Variants in ARHGEF17 observed in about 807,000 individuals in gnomAD.
The protein encoded by ARHGEF17 is Rho guanine nucleotide exchange factor 17.
In ARHGEF17, 80 loss-of-function variants were observed where a neutral mutation model predicts 174.0. That is an observed-to-expected ratio of 0.46 (90% CI 0.38 to 0.55). The LOEUF (loss-of-function observed/expected upper bound fraction) is 0.55, where lower values mean the gene tolerates loss of function less well. ARHGEF17 is among the 20% of genes least tolerant of loss of function. The pLI is 0.00. For missense variants in ARHGEF17, 2,886 were observed against 2,839.7 expected, an observed-to-expected ratio of 1.02 and a Z score of -0.37; for synonymous variants, 1,311 against 1,189.1, an observed-to-expected ratio of 1.10 and a Z score of -2.11.
Position 73,367,650 on chromosome 11 carries a change from G to A in ARHGEF17, c.6062G>A (p.Arg2021Lys). 1 of 1,614,058 alleles carries A rather than the reference G, an allele frequency of 6.2e-7. No homozygotes were observed. The highest frequency in any genetic ancestry group is 1.1e-5 in the South Asian group (1 of 91,084). Reference sequence around the variant, plus strand: ...TGGCACCGAGGCCCCGCCCCTGCCAGGCCTAAAATGCTGGTTATCAGTGGA... The same window carrying A: ...TGGCACCGAGGCCCCGCCCCTGCCAAGCCTAAAATGCTGGTTATCAGTGGA... ...SPWHRGPAPA[R>K]PKMLVISGGD... The change falls in exon 21 of 21, where the codon AGG becomes AAG. Residue 2021 changes from arginine to lysine, a missense_variant. Arg to Lys is a conservative substitution (Grantham distance 26, BLOSUM62 2). This residue lies in a region of ARHGEF17 where 329 missense variants were observed against 435.2 expected (regional missense o/e 0.76). Coordinates refer to ENST00000263674, the MANE Select transcript of ARHGEF17 (RefSeq NM_014786.4).
chr11:73,319,793 A>G (rs973516046), intron 1 of ARHGEF17, among the ~76,000 whole-genome samples: 2 of 152,216 alleles, frequency 1.3e-5, no homozygotes, highest in Non-Finnish European at 2.9e-5. Flanking sequence ...CAAGGATCCT[A>G]GCCTCCTGAG....
intron 3 of ARHGEF17, among the ~76,000 whole-genome samples, chr11:73,354,533 G>A (rs1019046216): frequency 6.6e-6 from 1 of 152,136 alleles, no homozygotes; most frequent in Non-Finnish European, 1.5e-5. Context: ...GACCAACATG[G>A]TGAAACCTCG....
chr11:73,326,956 A>T (rs2135793430), intron 1 of ARHGEF17, among the ~76,000 whole-genome samples: 1 of 152,308 alleles, frequency 6.6e-6, no homozygotes, highest in South Asian at 2.1e-4. Flanking sequence ...GAGGCGTTAG[A>T]GTGAGACAAG....
At chr11:73,357,883 C>G (rs1023286006) in intron 9 of ARHGEF17, among the ~76,000 whole-genome samples, 1 of 152,220 alleles carries the variant, frequency 6.6e-6, no homozygotes, top group Non-Finnish European at 1.5e-5. Context: ...CCTCATAACT[C>G]CCGTGATCAG....
At chr11:73,344,112 C>T (rs528001271) in intron 1 of ARHGEF17, among the ~76,000 whole-genome samples, 50 of 152,210 alleles carry the variant, frequency 3.3e-4, no homozygotes, top group African/African-American at 1.1e-3. Context: ...CCCGGTGTAG[C>T]GAAGGTCTGG....
At chr11:73,357,665 T>C (rs1865668133) in intron 9 of ARHGEF17, among the ~76,000 whole-genome samples, 2 of 152,250 alleles carry the variant, frequency 1.3e-5, no homozygotes, top group Non-Finnish European at 2.9e-5. Flanking sequence ...GATGTTGCAC[T>C]GTCTGGTTCA....
intron 1 of ARHGEF17, among the ~76,000 whole-genome samples, chr11:73,339,702 C>T (rs1865340605): frequency 6.6e-6 from 1 of 152,158 alleles, no homozygotes; most frequent in African/African-American, 2.4e-5. Context: ...TAGGTGCTCC[C>T]CAGGGCTGGT....
chr11:73,322,980 A>G (rs1397481584), intron 1 of ARHGEF17, among the ~76,000 whole-genome samples: 1 of 152,148 alleles, frequency 6.6e-6, no homozygotes, highest in Non-Finnish European at 1.5e-5. Flanking sequence ...CAGGGGTTAT[A>G]TCAGAAACAG....
chr11:73,349,557 A>G (rs910513916), intron 2 of ARHGEF17, among the ~76,000 whole-genome samples: 2 of 152,166 alleles, frequency 1.3e-5, no homozygotes, highest in Non-Finnish European at 2.9e-5. Flanking sequence ...CAGAGGTTGC[A>G]GCGAGCCGAG....
At chr11:73,341,351 T>TGCGACCTCAGCTCACC (rs1326430180) in intron 1 of ARHGEF17, among the ~76,000 whole-genome samples, 11 of 152,144 alleles carry the variant, frequency 7.2e-5, no homozygotes, top group Non-Finnish European at 1.3e-4. Context: ...AGTGCAATGG[T>TGCGACCTCAGCTCACC]GCGACCTCAG....
chr11:73,341,532 G>C (rs553611303), intron 1 of ARHGEF17, among the ~76,000 whole-genome samples: 112 of 151,806 alleles, frequency 7.4e-4, no homozygotes, highest in African/African-American at 2.6e-3. Context: ...GGCTGGTCTC[G>C]AACTCCCAAC....
intron 2 of ARHGEF17, among the ~76,000 whole-genome samples, chr11:73,351,630 G>A (rs1865555642): frequency 6.6e-6 from 1 of 152,074 alleles, no homozygotes. Context: ...TCCTCAGGCT[G>A]GAGTGCAGTG....
In ARHGEF17 at chr11:73,311,162, T is replaced by C; in HGVS notation, c.2524T>C (p.Phe842Leu). The change falls in exon 1 of 21, where the codon TTC (phenylalanine) becomes CTC (leucine). Residue 842 changes from phenylalanine (F) to leucine (L), a missense_variant. Phe to Leu is a conservative substitution (Grantham distance 22, BLOSUM62 0). Around this residue, in one of 4 missense-constraint regions of ARHGEF17, gnomAD observed 1,728 missense variants for 1,461.2 expected, o/e 1.18. Transcript: ENST00000263674. ...CCGTGGGGAGCTGGCTGGGCCTGGA[T>C]TCGAGGGCCCTGGAGGGGAGCCCAT... ...SRRGELAGPG[F>L]EGPGGEPIRE... 4 of 1,596,274 alleles carry C rather than the reference T, an allele frequency of 2.5e-6. No individual in the cohort carries two copies. The highest frequency in any genetic ancestry group is 3.4e-6 in the Non-Finnish European group (4 of 1,168,498).
intron 1 of ARHGEF17, among the ~76,000 whole-genome samples, chr11:73,320,996 G>T (rs1033335813): frequency 3.3e-5 from 5 of 152,332 alleles, no homozygotes; most frequent in Middle Eastern, 6.8e-3. Flanking sequence ...TGCCAAGAGG[G>T]CTTGGCACAC....
chr11:73,341,130 C>T (rs1865361622), intron 1 of ARHGEF17, among the ~76,000 whole-genome samples: 1 of 152,124 alleles, frequency 6.6e-6, no homozygotes. Flanking sequence ...TGGGAGGAGA[C>T]GGGCCTCAAT....
chr11:73,349,277 T>A (rs1371769709), intron 2 of ARHGEF17, among the ~76,000 whole-genome samples: 1 of 152,134 alleles, frequency 6.6e-6, no homozygotes, highest in Non-Finnish European at 1.5e-5. Context: ...GAGCCTCAAG[T>A]TTGCCTGCAA....
intron 1 of ARHGEF17, among the ~76,000 whole-genome samples, chr11:73,324,580 C>T (rs1407874170): frequency 1.3e-5 from 2 of 152,188 alleles, no homozygotes; most frequent in African/African-American, 2.4e-5. Flanking sequence ...GGGTGCTTAG[C>T]TCAGGTCACA....
In ARHGEF17 at chr11:73,308,899, G is replaced by A. The variant is rs1257202612; in HGVS notation, c.261G>A (p.Arg87=). 3 of 1,364,144 alleles carry A rather than the reference G, an allele frequency of 2.2e-6. No homozygotes were observed. The highest frequency in any genetic ancestry group is 2.8e-6 in the Non-Finnish European group (3 of 1,064,824). 84.5% of individuals were successfully genotyped at this position (1,364,144 alleles called of 1,614,324 possible). ...SLSPSVRQLS[R]RFDAPRLDDG... ...CGCCGTCGGTTCGCCAGCTCTCCCG[G>A]CGCTTCGACGCGCCGCGTCTGGACG... is the stretch of plus-strand genomic sequence containing the variant. Residue 87 remains arginine (R), a synonymous_variant, in exon 1 of 21, where the codon CGG becomes CGA. Transcript: ENST00000263674.
At chr11:73,321,288 C>T (rs1865013499) in intron 1 of ARHGEF17, among the ~76,000 whole-genome samples, 2 of 152,206 alleles carry the variant, frequency 1.3e-5, no homozygotes, top group Admixed American at 1.3e-4. Flanking sequence ...TTTGTTACCA[C>T]CAGCCCCACC....
Sources: allele counts gnomAD v4.1 joint callset (sites outside exome capture counted in the v4.1 genomes callset), GRCh38; gene constraint gnomAD v4.1.1; regional missense constraint gnomAD v4.1.1; transcripts MANE v1.5; gene names NCBI Gene and HGNC (gene_info 2026-07-23, HGNC 2026-07-21).